Variants in TENM3 observed in about 807,000 individuals in gnomAD.
The protein encoded by TENM3 is teneurin-3.
Under a neutral mutation model 255.1 loss-of-function variants are expected in TENM3, and 63 were observed. The ratio of observed to expected loss-of-function variants is 0.25; its 90% CI spans 0.20 to 0.30. The LOEUF (loss-of-function observed/expected upper bound fraction) is 0.30, where lower values mean the gene tolerates loss of function less well. TENM3 is among the 10% of genes least tolerant of loss of function. TENM3 has a pLI of 1.00. For missense variants in TENM3, 2,929 were observed against 3,461.1 expected, an observed-to-expected ratio of 0.85 and a Z score of 3.86; for synonymous variants, 1,306 against 1,322.3, an observed-to-expected ratio of 0.99 and a Z score of 0.27.
chr4:182,516,531 A>AT (rs549352973), intron 3 of TENM3, among the ~76,000 whole-genome samples: 5 of 152,010 alleles, frequency 3.3e-5, no homozygotes, highest in African/African-American at 1.2e-4. Context: ...GTTATTACGA[A>AT]TTTTTTTTAG....
At chr4:181,499,680 G>A in the TENM3 span, among the ~76,000 whole-genome samples, 1 of 152,158 alleles carries the variant, frequency 6.6e-6, no homozygotes, top group African/African-American at 2.4e-5. Context: ...AAATATCTCA[G>A]ATGATGGAAA....
In TENM3 at chr4:182,582,783, A is replaced by G. The variant is rs929610445; in HGVS notation, c.512-18141A>G. ...AATGGAGAGAATGTTTTTAAAATGA[A>G]CTATTGCCATTCCTTCAGTGAACCA... is the stretch of plus-strand genomic sequence containing the variant. On this transcript the variant is annotated intron_variant, in intron 3 of 27. Transcript: ENST00000511685. Among the ~76,000 whole-genome samples, 12 of 152,306 alleles carry G rather than the reference A, an allele frequency of 7.9e-5. No individual in the cohort carries two copies. The East Asian group carries it at 1.5e-3, about 20-fold the overall frequency.
chr4:182,126,032 G>A, the TENM3 span, among the ~76,000 whole-genome samples: 5 of 152,008 alleles, frequency 3.3e-5, no homozygotes, highest in Non-Finnish European at 5.9e-5. Context: ...TACCAGATAA[G>A]TATTTGTTTC....
chr4:181,503,500 T>C, the TENM3 span, among the ~76,000 whole-genome samples: 6 of 152,348 alleles, frequency 3.9e-5, no homozygotes, highest in Admixed American at 3.3e-4. Flanking sequence ...CCTCAGACAG[T>C]GATCTGCAAA....
chr4:182,037,880 G>A, the TENM3 span, among the ~76,000 whole-genome samples: 1 of 151,968 alleles, frequency 6.6e-6, no homozygotes, highest in Admixed American at 6.6e-5. Context: ...CACCCAGGCT[G>A]GAATGCAGTG....
the TENM3 span, among the ~76,000 whole-genome samples, chr4:181,931,054 A>G: frequency 3.3e-5 from 5 of 152,228 alleles, no homozygotes; most frequent in South Asian, 2.1e-4. Context: ...CCCACAGCCA[A>G]TATCATACTG....
At chr4:181,620,707 G>A in the TENM3 span, among the ~76,000 whole-genome samples, 3 of 150,510 alleles carry the variant, frequency 2.0e-5, no homozygotes, top group Admixed American at 1.3e-4. Flanking sequence ...ATAGTTAATA[G>A]CAACATAATG....
At chr4:182,139,727 T>C (rs1184039979), upstream of TENM3, among the ~76,000 whole-genome samples, 1 of 152,212 alleles carries the variant, frequency 6.6e-6, no homozygotes, top group African/African-American at 2.4e-5. Flanking sequence ...TCAAAATCCT[T>C]CGCAAAACCT....
the TENM3 span, among the ~76,000 whole-genome samples, chr4:181,753,529 T>TG: frequency 1.7e-5 from 2 of 121,014 alleles, no homozygotes; most frequent in East Asian, 2.2e-4. Context: ...TTTGCAAAAA[T>TG]GAAAAAAAAA....
chr4:182,270,735 T>A (rs902036497), intron 1 of TENM3, among the ~76,000 whole-genome samples: 5 of 152,216 alleles, frequency 3.3e-5, no homozygotes, highest in African/African-American at 7.2e-5. Context: ...TTTCAGGAAA[T>A]GTTTGTGTAT....
intron 24 of TENM3, among the ~76,000 whole-genome samples, chr4:182,781,898 A>G (rs1298708795): frequency 2.0e-5 from 3 of 150,738 alleles, no homozygotes. Flanking sequence ...ATCGGTGGTG[A>G]TATCCCCTTT....
At chr4:182,324,301 G>T (rs750505371) in intron 2 of TENM3, 49 bp downstream of exon 2, 59 of 1,381,060 alleles carry the variant, frequency 4.3e-5, no homozygotes, top group Non-Finnish European at 5.7e-5. Flanking sequence ...TTACTAACTT[G>T]TAGGTGTCGT....
chr4:182,630,538 G>A (rs1751263285), intron 5 of TENM3, among the ~76,000 whole-genome samples: 1 of 152,132 alleles, frequency 6.6e-6, no homozygotes, highest in African/African-American at 2.4e-5. Flanking sequence ...GACACACTGA[G>A]GCCTGTCATG....
the TENM3 span, among the ~76,000 whole-genome samples, chr4:181,907,783 G>A: frequency 1.4e-3 from 215 of 152,194 alleles, no homozygotes; most frequent in South Asian, 7.9e-3. Flanking sequence ...AGCAGACCCC[G>A]AACATTCGAG....
the TENM3 span, among the ~76,000 whole-genome samples, chr4:182,004,783 G>A: frequency 2.0e-5 from 3 of 152,132 alleles, no homozygotes; most frequent in African/African-American, 7.2e-5. Flanking sequence ...GGCGTGAGAT[G>A]GTATCTCATT....
chr4:182,028,582 T>C, the TENM3 span, among the ~76,000 whole-genome samples: 5,721 of 152,248 alleles, frequency 0.038, 157 homozygotes, highest in Middle Eastern at 0.068. Context: ...TAGGCACTTA[T>C]GACTATAAAC....
At chr4:181,722,976 G>A in the TENM3 span, among the ~76,000 whole-genome samples, 1 of 152,032 alleles carries the variant, frequency 6.6e-6, no homozygotes, top group African/African-American at 2.4e-5. Context: ...GAAGGAAGCT[G>A]CTCTATTTTT....
the TENM3 span, among the ~76,000 whole-genome samples, chr4:181,691,861 C>A: frequency 6.6e-6 from 1 of 152,146 alleles, no homozygotes; most frequent in African/African-American, 2.4e-5. Context: ...CCCCATCTCC[C>A]AGAGCAGAAA....
chr4:181,632,777 A>T, the TENM3 span, among the ~76,000 whole-genome samples: 1 of 152,090 alleles, frequency 6.6e-6, no homozygotes, highest in East Asian at 1.9e-4. Context: ...CCTTACTGAG[A>T]GCCCTTCCAT....
Sources: gnomAD v4.1 joint callset for allele counts (sites outside exome capture counted in the v4.1 genomes callset) on GRCh38, gnomAD v4.1.1 for gene constraint, MANE v1.5 for transcripts, NCBI Gene and HGNC (gene_info 2026-07-23, HGNC 2026-07-21) for gene names.